Variants in TRAPPC9 observed in about 807,000 individuals in gnomAD.
TRAPPC9 encodes the protein IKK2 binding protein.
A neutral mutation model predicts 124.0 loss-of-function variants in TRAPPC9; 83 were observed. The ratio of observed to expected loss-of-function variants is 0.67; its 90% CI spans 0.56 to 0.80. TRAPPC9 has a LOEUF of 0.80. Among genes scored for constraint, TRAPPC9 ranks in the 30% least tolerant of loss-of-function variants. The probability of loss-of-function intolerance (pLI) is 0.00; values close to 1 mark genes in which losing one functional copy is unlikely to be tolerated. For synonymous variants in TRAPPC9, 638 were observed against 617.5 expected (o/e 1.03, Z -0.49); for missense variants, 1,302 against 1,508.3 (o/e 0.86, Z 2.27).
intron 15 of TRAPPC9, among the ~76,000 whole-genome samples, chr8:140,272,006 G>A (rs1269049700): frequency 8.0e-6 from 1 of 124,758 alleles, no homozygotes; most frequent in African/African-American, 3.4e-5. Context: ...GGTAGTGATG[G>A]TGGTGACGGG....
intron 15 of TRAPPC9, among the ~76,000 whole-genome samples, chr8:140,275,069 G>A (rs2065069938): frequency 6.6e-6 from 1 of 152,112 alleles, no homozygotes; most frequent in South Asian, 2.1e-4. Flanking sequence ...GCACTCGCCA[G>A]CCTCTGACAC....
intron 17 of TRAPPC9, among the ~76,000 whole-genome samples, chr8:140,035,565 C>A (rs1365810419): frequency 6.6e-6 from 1 of 152,238 alleles, no homozygotes; most frequent in Non-Finnish European, 1.5e-5. Context: ...GCTGCGCACA[C>A]TGGGTCTCTC....
intron 18 of TRAPPC9, among the ~76,000 whole-genome samples, chr8:139,992,831 T>C (rs917582298): frequency 5.3e-5 from 8 of 152,002 alleles, no homozygotes; most frequent in Admixed American, 2.0e-4. Context: ...CACTGAATAG[T>C]GCTGGGAAAA....
At chr8:140,069,310 C>T (rs1843023419) in intron 17 of TRAPPC9, among the ~76,000 whole-genome samples, 1 of 152,188 alleles carries the variant, frequency 6.6e-6, no homozygotes, top group African/African-American at 2.4e-5. Context: ...TCCCTGCCCA[C>T]CCCACCTGGG....
chr8:140,115,933 AC>A (rs1230366447), intron 17 of TRAPPC9, among the ~76,000 whole-genome samples: 4 of 152,188 alleles, frequency 2.6e-5, no homozygotes, highest in Non-Finnish European at 5.9e-5. Flanking sequence ...CTGGCGCACA[AC>A]AGGTGCGGAT....
intron 8 of TRAPPC9, among the ~76,000 whole-genome samples, chr8:140,366,345 T>C (rs1038914516): frequency 6.6e-6 from 1 of 152,198 alleles, no homozygotes; most frequent in Non-Finnish European, 1.5e-5. Context: ...AAAACTATAG[T>C]ACTCAAGATA....
At chr8:139,845,595 T>C (rs1246450430) in intron 21 of TRAPPC9, among the ~76,000 whole-genome samples, 2 of 152,186 alleles carry the variant, frequency 1.3e-5, no homozygotes, top group Non-Finnish European at 2.9e-5. Context: ...GAGGTCTCCT[T>C]ACACCGGGGA....
rs866584732 is a variant in TRAPPC9 at position 140,224,863 on chromosome 8, C to T, written c.2432-3280G>A. 6.6e-5 allele frequency among the ~76,000 whole-genome samples: 10 copies of T among 152,252 alleles called. No homozygotes were observed. In the South Asian group the frequency reaches 1.9e-3, roughly 28 times the overall value. ...CCAGCATCTTCTCTGTCCTGAGACC[C>T]GTGCCTACCTCCTGCTGATCTGTAT... is the stretch of plus-strand genomic sequence containing the variant. On this transcript the variant is annotated intron_variant, in intron 16 of 22. Coordinates refer to ENST00000438773, the MANE Select transcript of TRAPPC9 (RefSeq NM_001160372.4).
intron 18 of TRAPPC9, among the ~76,000 whole-genome samples, chr8:140,010,756 T>C (rs924134030): frequency 6.6e-6 from 1 of 152,180 alleles, no homozygotes; most frequent in Admixed American, 6.5e-5. Context: ...GGAGGAAGAT[T>C]CCATATTAAA....
In TRAPPC9 at chr8:140,241,481, G is replaced by A. The variant is rs908873873; in HGVS notation, c.2431+11296C>T. 6.6e-6 allele frequency among the ~76,000 whole-genome samples: 1 copy of A among 151,664 alleles called. No individual in the cohort carries two copies. Among genetic ancestry groups the A allele is most frequent in the African/African-American group, 2.4e-5 (1 of 41,218 alleles). ...GGAGGCTGAGGTGGGTGAATCATGA[G>A]GTGAAGGGATCAAGACTATCCTGGC... On this transcript the variant is annotated intron_variant, in intron 16 of 22. Coordinates refer to ENST00000438773, the MANE Select transcript of TRAPPC9 (RefSeq NM_001160372.4). The surrounding 1 kb of genome is among the most constrained non-coding windows in gnomAD (Gnocchi z 5.0).
intron 17 of TRAPPC9, among the ~76,000 whole-genome samples, chr8:140,042,426 C>T (rs377319953): frequency 2.6e-5 from 4 of 152,312 alleles, no homozygotes; most frequent in Admixed American, 1.3e-4. Flanking sequence ...AGCCACCTTG[C>T]GGAACACACG....
intron 21 of TRAPPC9, among the ~76,000 whole-genome samples, chr8:139,765,629 C>A (rs1264964272): frequency 6.6e-6 from 1 of 152,202 alleles, no homozygotes; most frequent in East Asian, 1.9e-4. Context: ...TGGTGGCAGG[C>A]TCCAGAGGCC....
At chr8:140,176,274 T>G (rs941007180) in intron 17 of TRAPPC9, among the ~76,000 whole-genome samples, 3 of 152,192 alleles carry the variant, frequency 2.0e-5, no homozygotes, top group African/African-American at 7.2e-5. Flanking sequence ...ACGTAGAGTA[T>G]TCCCATCACC....
intron 17 of TRAPPC9, among the ~76,000 whole-genome samples, chr8:140,174,612 C>T (rs1205914980): frequency 1.3e-5 from 2 of 152,178 alleles, no homozygotes; most frequent in African/African-American, 4.8e-5. Flanking sequence ...ATCAATCTGC[C>T]TTCTGTCTCC....
At chr8:139,909,033 G>A (rs1296667117) in intron 20 of TRAPPC9, among the ~76,000 whole-genome samples, 1 of 152,188 alleles carries the variant, frequency 6.6e-6, no homozygotes, top group African/African-American at 2.4e-5. Flanking sequence ...GAGTCTGCCA[G>A]GCTCAAAGTC....
chr8:139,854,234 C>T (rs1160242900), intron 21 of TRAPPC9, among the ~76,000 whole-genome samples: 1 of 152,222 alleles, frequency 6.6e-6, no homozygotes, highest in Non-Finnish European at 1.5e-5. Flanking sequence ...TTTCCACCCC[C>T]TACATGACTC....
rs563628380 is a variant in TRAPPC9, at chr8:139,740,453, A to C, written c.3056-8251T>G. Among the ~76,000 whole-genome samples, 14 of 152,332 alleles carry C rather than the reference A, an allele frequency of 9.2e-5. No individual in the cohort carries two copies. In the South Asian group the frequency reaches 2.7e-3, roughly 29 times the overall value. On this transcript the variant is annotated intron_variant, in intron 21 of 22. Coordinates refer to ENST00000438773, the MANE Select transcript of TRAPPC9 (RefSeq NM_001160372.4). Reference sequence around the variant, plus strand: ...CCACCGTGGGGCTGAGAACGAGGCAATGTGCGCATGCTGGGCAGGGGGAGG... The same window carrying C: ...CCACCGTGGGGCTGAGAACGAGGCACTGTGCGCATGCTGGGCAGGGGGAGG...
At chr8:140,196,149 TAC>T (rs2062661558) in intron 17 of TRAPPC9, among the ~76,000 whole-genome samples, 1 of 141,274 alleles carries the variant, frequency 7.1e-6, no homozygotes, top group African/African-American at 2.7e-5. Flanking sequence ...CGATCCACCA[TAC>T]AGATCACACC....
chr8:140,164,075 A>T (rs1034552315), intron 17 of TRAPPC9, among the ~76,000 whole-genome samples: 6 of 152,192 alleles, frequency 3.9e-5, no homozygotes, highest in Admixed American at 1.3e-4. Flanking sequence ...GGGAGAAGTC[A>T]CCCAGCACCC....
Sources: allele counts gnomAD v4.1 joint callset (sites outside exome capture counted in the v4.1 genomes callset), GRCh38; gene constraint gnomAD v4.1.1; non-coding constraint Gnocchi (gnomAD v3.1); transcripts MANE v1.5; gene names NCBI Gene and HGNC (gene_info 2026-07-23, HGNC 2026-07-21).